The following CASKIN1 variants were observed in gnomAD, a reference collection of about 807,000 sequenced individuals.
CASKIN1 encodes caskin-1.
In CASKIN1, 42 loss-of-function variants were observed where a neutral mutation model predicts 117.5. The observed-to-expected ratio is 0.36, with a 90% CI of 0.28 to 0.46. CASKIN1 has a LOEUF of 0.46. Ranked by LOEUF, CASKIN1 falls within the 20% of genes least tolerant of loss-of-function variation. The probability of loss-of-function intolerance (pLI) is 1.00; values close to 1 mark genes in which losing one functional copy is unlikely to be tolerated. For synonymous variants in CASKIN1, 1,148 were observed against 961.7 expected (o/e 1.19, Z -3.59); for missense variants, 2,083 against 2,077.3 (o/e 1.00, Z -0.05).
rs2093171849 is a variant in CASKIN1, at chr16:2,182,721, C to T, written c.1630-792G>A. On this transcript the variant is annotated intron_variant, in intron 16 of 19. Coordinates refer to ENST00000343516, the MANE Select transcript of CASKIN1 (RefSeq NM_020764.4). The surrounding 1 kb of genome is among the most constrained non-coding windows in gnomAD (Gnocchi z 4.1). ...CTCAGTGTGAGGCCCAGAGAGTCCG[C>T]TTCAGTTGGGCTAGGCCTGGGCCCA... Among the ~76,000 whole-genome samples the T allele has an allele frequency of 6.6e-6, 1 of 152,262 alleles. No individual in the cohort carries two copies. The highest frequency in any genetic ancestry group is 6.5e-5 in the Admixed American group (1 of 15,290).
intron 10 of CASKIN1, 112 bp from the exon 11 acceptor site, chr16:2,185,520 C>T (rs1368406171): frequency 5.8e-6 from 5 of 869,488 alleles, no homozygotes; most frequent in Non-Finnish European, 8.7e-6. Context: ...CTCTGCCCAC[C>T]ATTGTCTCCA....
chr16:2,186,592 C>CG (rs1567261718), intron 10 of CASKIN1, 115 bp downstream of exon 10: 1 of 842,556 alleles, frequency 1.2e-6, no homozygotes, highest in Non-Finnish European at 1.9e-6. Context: ...CTCAACCCCA[C>CG]GCTGGCACCC....
chr16:2,182,081 T>C lies in CASKIN1; in HGVS notation c.1630-152A>G. On this transcript the variant is annotated intron_variant, in intron 16 of 19. Transcript: ENST00000343516. The surrounding 1 kb of genome is among the most constrained non-coding windows in gnomAD (Gnocchi z 4.1). ...GGCCGAGGTATTGGCACCAGAAATG[T>C]AGGCAGAGCCTCGGCTCAGGCACCG... The C allele has an allele frequency of 1.8e-6, 2 of 1,092,576 alleles. No individual in the cohort carries two copies. Among genetic ancestry groups the C allele is most frequent in the Non-Finnish European group, 2.6e-6 (2 of 759,610 alleles). The allele number at this position is 1,092,576 out of a possible 1,614,324, so 67.7% of individuals were successfully genotyped here. A position where few individuals can be genotyped will look rare whatever the true frequency, so the allele number is the denominator to read the frequency against.
In CASKIN1 at chr16:2,181,524, C is replaced by T; in HGVS notation, c.1844G>A (p.Gly615Glu). 1.2e-6 allele frequency: 2 copies of T among 1,605,618 alleles called. No individual in the cohort carries two copies. Among genetic ancestry groups the T allele is most frequent in the Non-Finnish European group, 1.7e-6 (2 of 1,177,564 alleles). The part of the protein sequence containing the change: ...LQKAEYAKYE[G>E]GPLRRKAPQS... ...GGGCGCCTTCCGGCGCAGGGGGCCC[C>T]CCTCATACTTGGCGTATTCAGCCTT... The change falls in exon 18 of 20, where the codon GGG becomes GAG. Residue 615 changes from glycine to glutamate, a missense_variant. Gly to Glu is a moderately conservative substitution (Grantham distance 98). Coordinates refer to ENST00000343516, the MANE Select transcript of CASKIN1 (RefSeq NM_020764.4).
chr16:2,183,981 G>A lies in CASKIN1; in HGVS notation c.1417-40C>T, dbSNP rs541782350. On this transcript the variant is annotated intron_variant, in intron 14 of 19. Coordinates refer to ENST00000343516, the MANE Select transcript of CASKIN1 (RefSeq NM_020764.4). Reference sequence around the variant, plus strand: ...GCACCCACTGCAGGCTCGCCTGCCCGGCCGCGCCCTGCCACCACAGTGCCG... The same window carrying A: ...GCACCCACTGCAGGCTCGCCTGCCCAGCCGCGCCCTGCCACCACAGTGCCG... 1.1e-4 allele frequency: 155 copies of A among 1,392,034 alleles called. 2 individuals carry two copies. In the Middle Eastern group the frequency reaches 5.7e-3, roughly 51 times the overall value. The allele number at this position is 1,392,034 out of a possible 1,614,324, so 86.2% of individuals were successfully genotyped here.
At chr16:2,195,245 CG>C (rs929659716) in intron 1 of CASKIN1, among the ~76,000 whole-genome samples, 2 of 152,156 alleles carry the variant, frequency 1.3e-5, no homozygotes, top group Non-Finnish European at 2.9e-5. Context: ...TGGTGAAGTA[CG>C]GGGGAGGGGG....
rs2093163800 is a variant in CASKIN1, at chr16:2,180,490, C to T, written c.2878G>A (p.Ala960Thr). The T allele has an allele frequency of 3.2e-6, 5 of 1,550,652 alleles. No individual in the cohort carries two copies. The highest frequency in any genetic ancestry group is 1.9e-5 in the Admixed American group (1 of 52,708). ...PKRSSSALAS[A>T]NLADEPVPDA... ...GGCACCGGCTCATCCGCCAGGTTGG[C>T]ACTAGCCAGGGCCGAGCTGGAGCGC... Residue 960 changes from alanine to threonine, a missense_variant, in exon 18 of 20, where the codon GCC becomes ACC. Coordinates refer to ENST00000343516, the MANE Select transcript of CASKIN1 (RefSeq NM_020764.4).
chr16:2,178,435 C>T lies in CASKIN1; in HGVS notation c.*115G>A, dbSNP rs1187048441. The T allele has an allele frequency of 2.6e-6, 2 of 757,974 alleles. No homozygotes were observed. Among genetic ancestry groups the T allele is most frequent in the Non-Finnish European group, 3.8e-6 (2 of 519,904 alleles). The allele number at this position is 757,974 out of a possible 1,614,324, so 47.0% of individuals were successfully genotyped here. A position where few individuals can be genotyped will look rare whatever the true frequency, so the allele number is the denominator to read the frequency against. On this transcript the variant is annotated 3_prime_UTR_variant, in exon 20 of 20. Transcript: ENST00000343516. The stretch of plus-strand genomic sequence containing the variant: ...CCCGGGTCCAGGGGCCGGAGTTGTG[C>T]TTCTGCAGGGCCCTGCCCGGCCGCT...
chr16:2,186,769 G>A lies in CASKIN1; in HGVS notation c.986C>T (p.Thr329Met), dbSNP rs374094027. 4.7e-5 allele frequency: 76 copies of A among 1,612,896 alleles called. No homozygotes were observed. The highest frequency in any genetic ancestry group is 1.1e-4 in the East Asian group (5 of 44,888). The change falls in exon 10 of 20, where the codon ACG becomes ATG. Residue 329 changes from threonine to methionine, a missense_variant. This residue lies in a region of CASKIN1 where 1,818 missense variants were observed against 1,688.9 expected (regional missense o/e 1.08). Coordinates refer to ENST00000343516, the MANE Select transcript of CASKIN1 (RefSeq NM_020764.4). ...RWKGCIHDNR[T>M]GNDRVGYFPS... is the part of the protein sequence containing the mutation. ...GAAGTAGCCCACCCGGTCATTGCCCGTCCGGTTGTCATGGATGCAGCCCTT... is the reference window on the plus strand; with the variant it reads ...GAAGTAGCCCACCCGGTCATTGCCCATCCGGTTGTCATGGATGCAGCCCTT...
chr16:2,178,318 C>CGGGGAGCAGCAGGTGGG lies in CASKIN1; in HGVS notation c.*215_*231dup, dbSNP rs2093150482. On this transcript the variant is annotated 3_prime_UTR_variant, in exon 20 of 20. Coordinates refer to ENST00000343516, the MANE Select transcript of CASKIN1 (RefSeq NM_020764.4). The stretch of plus-strand genomic sequence containing the variant: ...GGCAGGAGGCCCAGCAGGTATTGCA[C>CGGGGAGCAGCAGGTGGG]GGGGAGCAGCAGGTGGGGAGGACCC... 1.4e-5 allele frequency: 6 copies of CGGGGAGCAGCAGGTGGG among 442,614 alleles called. No homozygotes were observed. In the East Asian group the frequency reaches 2.2e-4, roughly 16 times the overall value. 27.4% of individuals were successfully genotyped at this position (442,614 alleles called of 1,614,324 possible).
chr16:2,192,572 C>T lies in CASKIN1; in HGVS notation c.95-2214G>A, dbSNP rs570620068. On this transcript the variant is annotated intron_variant, in intron 1 of 19. Coordinates refer to ENST00000343516, the MANE Select transcript of CASKIN1 (RefSeq NM_020764.4). ...CCTGTCCAAGGCCTTTCCACATGCC[C>T]TGTGTGCACGTGCGGCCTCCTCTTC... Among the ~76,000 whole-genome samples the T allele has an allele frequency of 1.7e-4, 26 of 152,302 alleles. No homozygotes were observed. In the East Asian group the frequency reaches 4.6e-3, roughly 27 times the overall value.
At chr16:2,178,858 G>GC in intron 19 of CASKIN1, 44 bp downstream of exon 19, 3 of 1,322,526 alleles carry the variant, frequency 2.3e-6, no homozygotes, top group Non-Finnish European at 2.9e-6. Context: ...GCCCATCTCT[G>GC]CCGAGCCCCG....
chr16:2,193,855 G>A (rs560249357), intron 1 of CASKIN1, among the ~76,000 whole-genome samples: 1 of 152,214 alleles, frequency 6.6e-6, no homozygotes, highest in African/African-American at 2.4e-5. Context: ...CCTGTGGGGG[G>A]ACAGTGGGTA....
At chr16:2,185,970 G>A (rs959966480) in intron 10 of CASKIN1, among the ~76,000 whole-genome samples, 4 of 152,116 alleles carry the variant, frequency 2.6e-5, no homozygotes, top group African/African-American at 9.7e-5. Flanking sequence ...AAACACTTGA[G>A]TGCCTTTGTT....
At chr16:2,183,038 C>T (rs190218358) in intron 16 of CASKIN1, among the ~76,000 whole-genome samples, 3 of 152,330 alleles carry the variant, frequency 2.0e-5, no homozygotes, top group Admixed American at 6.5e-5. Context: ...CCACCTACCT[C>T]GGCCTCCCAA....
At chr16:2,189,601 C>T (rs768833812) in intron 3 of CASKIN1, 37 bp from the exon 4 acceptor site, 3 of 1,560,306 alleles carry the variant, frequency 1.9e-6, no homozygotes, top group Admixed American at 1.8e-5. Flanking sequence ...TGACCCTTGA[C>T]CCCAAACCCA....
At position 2,179,233 on chromosome 16, in the gene CASKIN1, G is replaced by A; in HGVS notation, c.3868C>T (p.Leu1290=). The A allele has an allele frequency of 8.4e-7, 1 of 1,192,482 alleles. No individual in the cohort carries two copies. The highest frequency in any genetic ancestry group is 1.0e-6 in the Non-Finnish European group (1 of 963,058). The allele number at this position is 1,192,482 out of a possible 1,614,324, so 73.9% of individuals were successfully genotyped here. Residue 1290 remains leucine, a synonymous_variant, in exon 19 of 20, where the codon CTG becomes TTG. Coordinates refer to ENST00000343516, the MANE Select transcript of CASKIN1 (RefSeq NM_020764.4). The surrounding 1 kb of genome is among the most constrained non-coding windows in gnomAD (Gnocchi z 5.8). ...GAAGGGCCGGCGCTGCCCGAAGGCA[G>A]CCCCGCGACCGCCTTGACGGGCTTG... ...APKPVKAVAG[L]PSGSAGPSPA...
intron 3 of CASKIN1, among the ~76,000 whole-genome samples, 155 bp downstream of exon 3, chr16:2,189,918 C>T (rs1442269431): frequency 6.6e-6 from 1 of 152,070 alleles, no homozygotes; most frequent in Non-Finnish European, 1.5e-5. Context: ...CCCAGCCCCA[C>T]CCCTGGCCTC....
rs1450644413 is a variant in CASKIN1, at chr16:2,187,200, G to C, written c.801C>G (p.Ser267=). The change falls in exon 8 of 20, where the codon TCC becomes TCG. Residue 267 remains serine, a synonymous_variant. Coordinates refer to ENST00000343516, the MANE Select transcript of CASKIN1 (RefSeq NM_020764.4). ...GCTGCTTGATCTCCCTGCTGGCCTG[G>C]GACGTGGTGAACTGGTGCACGATGT... ...ALDIVHQFTT[S]QASREIKQLL... 6.2e-7 allele frequency: 1 copy of C among 1,614,024 alleles called. No homozygotes were observed. The highest frequency in any genetic ancestry group is 8.5e-7 in the Non-Finnish European group (1 of 1,179,978).
Sources: gnomAD v4.1 joint callset for allele counts (sites outside exome capture counted in the v4.1 genomes callset) on GRCh38, gnomAD v4.1.1 for gene constraint, gnomAD v4.1.1 regional missense constraint, Gnocchi (gnomAD v3.1) non-coding constraint, MANE v1.5 for transcripts, NCBI Gene and HGNC (gene_info 2026-07-23, HGNC 2026-07-21) for gene names.